Variants in ULBP3 observed in about 807,000 individuals in gnomAD.
ULBP3 encodes UL16 binding protein 3, also known as UL16-binding protein 3.
A neutral mutation model predicts 24.9 loss-of-function variants in ULBP3; 25 were observed. The ratio of observed to expected loss-of-function variants is 1.00; its 90% CI spans 0.73 to 1.40. The LOEUF (loss-of-function observed/expected upper bound fraction) is 1.40, where lower values mean the gene tolerates loss of function less well. Among genes scored for constraint, ULBP3 ranks in the 40% most tolerant of loss-of-function variants. The probability of loss-of-function intolerance (pLI) is 0.00; values close to 1 mark genes in which losing one functional copy is unlikely to be tolerated. For missense variants in ULBP3, 306 were observed against 307.5 expected (o/e 1.00, Z 0.04); for synonymous variants, 114 against 114.7 (o/e 0.99, Z 0.04).
intron 2 of ULBP3, 58 bp downstream of exon 2, chr6:150,065,841 C>G: frequency 6.3e-7 from 1 of 1,599,614 alleles, no homozygotes; most frequent in Non-Finnish European, 8.5e-7. Flanking sequence ...TCCCCACACA[C>G]AGAACAGCCC....
At position 150,066,101 on chromosome 6, in the gene ULBP3, C is replaced by T. The variant is rs769009568; in HGVS notation, c.150G>A (p.Trp50Ter). 8.9e-5 allele frequency: 144 copies of T among 1,614,072 alleles called. No homozygotes were observed. Among genetic ancestry groups the T allele is most frequent in the Non-Finnish European group, 1.2e-4 (138 of 1,180,048 alleles). Reference protein sequence around the residue: ...IIHLPRHGQQWCEVQSQVDQK... With the variant: ...IIHLPRHGQQ ...GATCCACCTGGCTCTGGACCTCACA[C>T]CACTGTTGCCCATGTCTGGGCAAAT... Residue 50 changes from tryptophan to a stop codon, truncating the protein, a stop_gained, in exon 2 of 5, where the codon TGG becomes TGA. Transcript: ENST00000367339. LOFTEE classifies it high-confidence loss of function.
Position 150,065,972 on chromosome 6 carries a change from T to G in ULBP3, c.279A>C (p.Glu93Asp). ...GCCTCTGCCCCACCTCTCTCAGCAT[T>G]TCCAGTTGTTTTCCCCAGGCATCTG... ...YATDAWGKQLEMLREVGQRLR... is the reference protein window; with the variant it reads ...YATDAWGKQLDMLREVGQRLR... Residue 93 changes from glutamate (E) to aspartate (D), a missense_variant, in exon 2 of 5, where the codon GAA becomes GAC. Physicochemically the swap from Glu to Asp is conservative, Grantham distance 45. Coordinates refer to ENST00000367339, the MANE Select transcript of ULBP3 (RefSeq NM_024518.3). 6.2e-7 allele frequency: 1 copy of G among 1,614,192 alleles called. No individual in the cohort carries two copies. The highest frequency in any genetic ancestry group is 8.5e-7 in the Non-Finnish European group (1 of 1,180,030).
Position 150,066,167 on chromosome 6 carries a change from G to GA in ULBP3, c.89-6_89-5insT, listed in dbSNP as rs1370950838. On this transcript the variant is annotated splice_polypyrimidine_tract_variant and splice_region_variant and intron_variant, in intron 1 of 4. Coordinates refer to ENST00000367339, the MANE Select transcript of ULBP3 (RefSeq NM_024518.3). ...TATACCAGAGAGAGTGAGCGTCTAA[G>GA]GAAAAAAAAAAAAAACACCAGAGAG... 6.2e-7 allele frequency: 1 copy of GA among 1,607,188 alleles called. No homozygotes were observed. Among genetic ancestry groups the GA allele is most frequent in the Admixed American group, 1.7e-5 (1 of 58,810 alleles).
At chr6:150,063,407 T>A (rs1562519350) in intron 4 of ULBP3, 56 bp from the exon 5 acceptor site, 2 of 893,628 alleles carry the variant, frequency 2.2e-6, no homozygotes, top group African/African-American at 1.8e-5. Context: ...GGGTCTGTTC[T>A]CCTGGGTGAT....
rs1402447650 is a variant in ULBP3 at position 150,062,638 on chromosome 6, T to G, written c.*736A>C. Among the ~76,000 whole-genome samples, 3 of 152,200 alleles carry G rather than the reference T, an allele frequency of 2.0e-5. No individual in the cohort carries two copies. Among genetic ancestry groups the G allele is most frequent in the African/African-American group, 7.2e-5 (3 of 41,452 alleles). The stretch of plus-strand genomic sequence containing the variant: ...CTGAGGTCTGAAGTCCTGCATGCTA[T>G]TTTACTAGCAATACCGTTTCGAAGA... On this transcript the variant is annotated 3_prime_UTR_variant, in exon 5 of 5. Transcript: ENST00000367339.
chr6:150,067,519 C>G, intron 1 of ULBP3, among the ~76,000 whole-genome samples: 1 of 152,220 alleles, frequency 6.6e-6, no homozygotes, highest in East Asian at 1.9e-4. Context: ...TCAGGTCCAG[C>G]TTAGAGGGAT....
rs529831883 is a variant in ULBP3, at chr6:150,066,085, G to A, written c.166C>T (p.Gln56Ter). 5.9e-5 allele frequency: 96 copies of A among 1,614,200 alleles called. 1 individual carries two copies. The South Asian group carries it at 9.3e-4, about 16-fold the overall frequency. ...GAGAGAAAATTCTTCTGATCCACCT[G>A]GCTCTGGACCTCACACCACTGTTGC... The part of the protein sequence containing the change: ...HGQQWCEVQS[Q>*]VDQKNFLSYD... The change falls in exon 2 of 5, where the codon CAG becomes TAG. Residue 56 changes from glutamine (Q) to a stop codon, truncating the protein, a stop_gained. Transcript: ENST00000367339. LOFTEE classifies it high-confidence loss of function.
chr6:150,066,964 C>T lies in ULBP3; in HGVS notation c.89-802G>A, dbSNP rs7767814. Among the ~76,000 whole-genome samples the T allele has an allele frequency of 9.9e-3, 1,511 of 151,980 alleles. 19 individuals are homozygous for T. Among genetic ancestry groups the T allele is most frequent in the African/African-American group, 0.035 (1,461 of 41,416 alleles). On this transcript the variant is annotated intron_variant, in intron 1 of 4. Transcript: ENST00000367339. ...GAAATAAGAGATCTCAAGTGGAGGC[C>T]GTCAACTGTCAGCAGGAAGGAGGGT...
At chr6:150,063,712 T>C in intron 4 of ULBP3, among the ~76,000 whole-genome samples, 1 of 152,084 alleles carries the variant, frequency 6.6e-6, no homozygotes, top group Non-Finnish European at 1.5e-5. Flanking sequence ...CTTGGGTGGG[T>C]TTGTAGGCAA....
At chr6:150,066,483 C>T (rs79685205) in intron 1 of ULBP3, among the ~76,000 whole-genome samples, 3 of 152,202 alleles carry the variant, frequency 2.0e-5, no homozygotes, top group African/African-American at 7.2e-5. Flanking sequence ...TGGGAGGGCA[C>T]CCTGAGGATG....
Position 150,061,549 on chromosome 6 carries a change from T to TC in ULBP3, c.*1824dup, listed in dbSNP as rs1215106209. On this transcript the variant is annotated 3_prime_UTR_variant, in exon 5 of 5. Transcript: ENST00000367339. ...CATTAGGTTGCTTAGGATAATAGCC[T>TC]CTAGTTCCATCCATGTTGCTGAAAA... Among the ~76,000 whole-genome samples the TC allele has an allele frequency of 5.3e-5, 8 of 152,266 alleles. No individual in the cohort carries two copies. The highest frequency in any genetic ancestry group is 1.7e-4 in the African/African-American group (7 of 41,474).
chr6:150,062,963 G>A lies in ULBP3; in HGVS notation c.*411C>T, dbSNP rs1407301814. Among the ~76,000 whole-genome samples the A allele has an allele frequency of 8.6e-5, 13 of 151,408 alleles. No individual in the cohort carries two copies. The highest frequency in any genetic ancestry group is 3.2e-3 in the Middle Eastern group (1 of 316). On this transcript the variant is annotated 3_prime_UTR_variant, in exon 5 of 5. Coordinates refer to ENST00000367339, the MANE Select transcript of ULBP3 (RefSeq NM_024518.3). ...TAAAAATACAAAAAATTAGCCGGGC[G>A]CGGTGGCGGGTGCCTGTAGTCCCAG... is the stretch of plus-strand genomic sequence containing the variant.
Position 150,064,733 on chromosome 6 carries a change from G to GTTGTCACTTTTGTGTT in ULBP3, c.629-21_629-20insAACACAAAAGTGACAA. The GTTGTCACTTTTGTGTT allele has an allele frequency of 6.2e-7, 1 of 1,612,864 alleles. No homozygotes were observed. Among genetic ancestry groups the GTTGTCACTTTTGTGTT allele is most frequent in the Non-Finnish European group, 8.5e-7 (1 of 1,179,040 alleles). ...GTGGTGCTGAAAGGGAAACACAAAA[G>GTTGTCACTTTTGTGTT]TGACAACTCTTGTCCACGCTCCAAA... is the stretch of plus-strand genomic sequence containing the variant. On this transcript the variant is annotated intron_variant, in intron 3 of 4. Transcript: ENST00000367339.
chr6:150,065,397 C>T lies in ULBP3; in HGVS notation c.628+1G>A, dbSNP rs1209894449. On this transcript the variant is annotated splice_donor_variant, in intron 3 of 4. Transcript: ENST00000367339. LOFTEE classifies it high-confidence loss of function. ...GCTCCCAGTGCTCCCCTGTCAGTTA[C>T]CTGTGGGTTCCAGCCTCTTCTTCCT... 1 of 1,613,700 alleles carries T rather than the reference C, an allele frequency of 6.2e-7. No homozygotes were observed. The highest frequency in any genetic ancestry group is 8.5e-7 in the Non-Finnish European group (1 of 1,179,646).
Position 150,065,731 on chromosome 6 carries a change from C to G in ULBP3, c.353-58G>C. ...TTTACAAATTCTCTTCCCTGTCCCA[C>G]ATCCTCCTATGCTGAGACCATTCTC... On this transcript the variant is annotated intron_variant, in intron 2 of 4. Coordinates refer to ENST00000367339, the MANE Select transcript of ULBP3 (RefSeq NM_024518.3). 3 of 1,598,918 alleles carry G rather than the reference C, an allele frequency of 1.9e-6. No individual in the cohort carries two copies. In the South Asian group the frequency reaches 3.4e-5, roughly 18 times the overall value.
At chr6:150,064,880 G>T (rs1226544056) in intron 3 of ULBP3, among the ~76,000 whole-genome samples, 167 bp from the exon 4 acceptor site, 1 of 152,046 alleles carries the variant, frequency 6.6e-6, no homozygotes, top group Non-Finnish European at 1.5e-5. Context: ...GAGAAGGGGT[G>T]CTCCCTGTCC....
At chr6:150,064,257 G>T (rs1046014983) in intron 4 of ULBP3, among the ~76,000 whole-genome samples, 1 of 152,182 alleles carries the variant, frequency 6.6e-6, no homozygotes, top group Admixed American at 6.5e-5. Context: ...CCTGCTGCCT[G>T]CAGGCCACAC....
At position 150,065,839 on chromosome 6, in the gene ULBP3, C is replaced by T. The variant is rs918945582; in HGVS notation, c.352+60G>A. On this transcript the variant is annotated intron_variant, in intron 2 of 4. Transcript: ENST00000367339. The stretch of plus-strand genomic sequence containing the variant: ...CCATGTCTAATTTCTTCTCCCCACA[C>T]ACAGAACAGCCCCTGAGCCCACAGT... The T allele has an allele frequency of 2.5e-6, 4 of 1,599,376 alleles. No individual in the cohort carries two copies. In the African/African-American group the frequency reaches 4.0e-5, roughly 16 times the overall value.
At position 150,069,059 on chromosome 6, in the gene ULBP3, G is replaced by A. The variant is rs200912438; in HGVS notation, c.8C>T (p.Ala3Val). The A allele has an allele frequency of 6.2e-7, 1 of 1,610,116 alleles. No homozygotes were observed. Reference protein sequence around the residue: MAAAASPAILPRL... With the variant: MAVAASPAILPRL... Reference sequence around the variant, plus strand: ...CGGAAGGATCGCGGGGCTGGCGGCCGCTGCCATTGTAGACCAGGAGCGCCC... The same window carrying A: ...CGGAAGGATCGCGGGGCTGGCGGCCACTGCCATTGTAGACCAGGAGCGCCC... Residue 3 changes from alanine (A) to valine (V), a missense_variant, in exon 1 of 5, where the codon GCG becomes GTG. Transcript: ENST00000367339.
Sources: gnomAD v4.1 joint callset for allele counts (sites outside exome capture counted in the v4.1 genomes callset) on GRCh38, gnomAD v4.1.1 for gene constraint, MANE v1.5 for transcripts, NCBI Gene and HGNC (gene_info 2026-07-23, HGNC 2026-07-21) for gene names.